The following CAMTA1 variants were observed in gnomAD, a reference collection of about 807,000 sequenced individuals.
The protein encoded by CAMTA1 is calmodulin-binding transcription activator 1.
In CAMTA1, 27 loss-of-function variants were observed where a neutral mutation model predicts 170.9. That is an observed-to-expected ratio of 0.16 (90% CI 0.12 to 0.22). CAMTA1 has a LOEUF of 0.22. CAMTA1 is among the 10% of genes least tolerant of loss of function. CAMTA1 has a pLI of 1.00. For synonymous variants in CAMTA1, 833 were observed against 891.5 expected, an observed-to-expected ratio of 0.93 and a Z score of 1.17; for missense variants, 1,619 against 2,217.2, an observed-to-expected ratio of 0.73 and a Z score of 5.42.
At chr1:6,913,533 G>C (rs1372456002) in intron 3 of CAMTA1, among the ~76,000 whole-genome samples, 1 of 152,154 alleles carries the variant, frequency 6.6e-6, no homozygotes, top group East Asian at 1.9e-4. Context: ...CCTGCCCCCA[G>C]CTTCCTCCTG....
At chr1:7,242,389 A>C (rs1459955828) in intron 4 of CAMTA1, among the ~76,000 whole-genome samples, 2 of 152,226 alleles carry the variant, frequency 1.3e-5, no homozygotes, top group African/African-American at 4.8e-5. Flanking sequence ...TTTTATTTTT[A>C]TCTAATAAGA....
rs1470229348 is a variant in CAMTA1 at position 7,664,723 on chromosome 1, G to A, written c.2176G>A (p.Val726Ile). ...EHYLQPETNG[V>I]IRSAGGVPIL... ...CTACCTGCAGCCGGAGACCAACGGG[G>A]TAATCCGAAGCGCCGGCGGCGTCCC... Residue 726 changes from valine (V) to isoleucine (I), a missense_variant, in exon 9 of 23, where the codon GTA (valine) becomes ATA (isoleucine). Val to Ile is a conservative substitution (Grantham distance 29). Transcript: ENST00000303635. 6.2e-7 allele frequency: 1 copy of A among 1,608,914 alleles called. No homozygotes were observed.
At chr1:6,830,629 C>T (rs1649557061) in intron 3 of CAMTA1, among the ~76,000 whole-genome samples, 2 of 152,192 alleles carry the variant, frequency 1.3e-5, no homozygotes, top group Admixed American at 6.5e-5. Context: ...AGGCGTGAGC[C>T]ACGGCGCCCA....
At chr1:6,913,169 C>T (rs975038950) in intron 3 of CAMTA1, among the ~76,000 whole-genome samples, 19 of 152,262 alleles carry the variant, frequency 1.2e-4, no homozygotes, top group African/African-American at 2.2e-4. Context: ...AGGAAGGGGT[C>T]GTATTTTAGA....
At chr1:6,807,263 T>C (rs995231151) in intron 1 of CAMTA1, among the ~76,000 whole-genome samples, 2 of 152,240 alleles carry the variant, frequency 1.3e-5, no homozygotes, top group African/African-American at 4.8e-5. Flanking sequence ...ATATCCTGTT[T>C]ATCACTTTTG....
At chr1:7,657,124 C>T (rs61772075) in intron 7 of CAMTA1, among the ~76,000 whole-genome samples, 29,610 of 152,246 alleles carry the variant, frequency 0.19, 3,044 homozygotes, top group Middle Eastern at 0.33. Flanking sequence ...TTCCCAGTGG[C>T]CAGTGTGACC....
chr1:7,083,263 A>T (rs546653526), intron 3 of CAMTA1, among the ~76,000 whole-genome samples: 82 of 152,330 alleles, frequency 5.4e-4, no homozygotes, highest in African/African-American at 1.9e-3. Context: ...AGTCCTCCAG[A>T]CACCCTTGGA....
chr1:7,131,340 C>A (rs76136449), intron 4 of CAMTA1, among the ~76,000 whole-genome samples: 1 of 152,132 alleles, frequency 6.6e-6, no homozygotes, highest in East Asian at 1.9e-4. Flanking sequence ...TTTCATGGTT[C>A]ATGCTTTTGG....
At chr1:7,183,773 G>T (rs998167393) in intron 4 of CAMTA1, among the ~76,000 whole-genome samples, 1 of 152,158 alleles carries the variant, frequency 6.6e-6, no homozygotes, top group African/African-American at 2.4e-5. Flanking sequence ...TGAGCATGAG[G>T]ACAGTTCTTG....
At chr1:7,080,300 G>A (rs997686371) in intron 3 of CAMTA1, among the ~76,000 whole-genome samples, 1 of 152,094 alleles carries the variant, frequency 6.6e-6, no homozygotes, top group Non-Finnish European at 1.5e-5. Flanking sequence ...GGTGGATTCA[G>A]GTCTTCTCAC....
intron 3 of CAMTA1, among the ~76,000 whole-genome samples, chr1:7,037,902 AT>A (rs1280050067): frequency 2.1e-5 from 3 of 143,080 alleles, no homozygotes; most frequent in Non-Finnish European, 3.0e-5. Flanking sequence ...GAATATATAT[AT>A]TGGTTTGATC....
At chr1:7,058,807 T>C (rs1707768040) in intron 3 of CAMTA1, among the ~76,000 whole-genome samples, 1 of 152,180 alleles carries the variant, frequency 6.6e-6, no homozygotes, top group African/African-American at 2.4e-5. Flanking sequence ...GAAAAATATT[T>C]CTGAGAAATC....
intron 4 of CAMTA1, among the ~76,000 whole-genome samples, chr1:7,180,145 T>C (rs987480783): frequency 6.6e-6 from 1 of 152,068 alleles, no homozygotes; most frequent in African/African-American, 2.4e-5. Context: ...GGCGGGTGGA[T>C]CACCTGAGGT....
At chr1:7,415,886 A>C (rs1390859186) in intron 5 of CAMTA1, among the ~76,000 whole-genome samples, 2 of 152,190 alleles carry the variant, frequency 1.3e-5, no homozygotes, top group Non-Finnish European at 2.9e-5. Context: ...ATGTTTTTGC[A>C]GTGGCTGGTA....
intron 5 of CAMTA1, among the ~76,000 whole-genome samples, chr1:7,331,704 G>T (rs1054369538): frequency 6.6e-6 from 1 of 152,164 alleles, no homozygotes; most frequent in African/African-American, 2.4e-5. Context: ...TCAGAACCAT[G>T]TGCTCAGCAA....
intron 11 of CAMTA1, among the ~76,000 whole-genome samples, chr1:7,730,928 C>CTCTCTCTCTA (rs1478235304): frequency 3.5e-5 from 4 of 114,196 alleles, no homozygotes; most frequent in African/African-American, 1.3e-4. Context: ...CTCTCTCTCT[C>CTCTCTCTCTA]TATATATATA....
At chr1:7,752,210 T>C (rs545636701) in intron 20 of CAMTA1, among the ~76,000 whole-genome samples, 13 of 152,330 alleles carry the variant, frequency 8.5e-5, no homozygotes, top group African/African-American at 3.1e-4. Flanking sequence ...TTTTCAGTCT[T>C]TGTATAGTCT....
At chr1:7,558,385 C>T (rs1478919247) in intron 6 of CAMTA1, among the ~76,000 whole-genome samples, 2 of 152,218 alleles carry the variant, frequency 1.3e-5, no homozygotes, top group Non-Finnish European at 2.9e-5. Context: ...TGGATGGGAC[C>T]CAGGAGCCAA....
intron 4 of CAMTA1, among the ~76,000 whole-genome samples, chr1:7,236,364 T>C (rs527690778): frequency 6.6e-6 from 1 of 152,338 alleles, no homozygotes; most frequent in East Asian, 1.9e-4. Flanking sequence ...AAGGAAGAAC[T>C]ACAATTTAAA....
Sources: gnomAD v4.1 joint callset for allele counts (sites outside exome capture counted in the v4.1 genomes callset) on GRCh38, gnomAD v4.1.1 for gene constraint, MANE v1.5 for transcripts, NCBI Gene and HGNC (gene_info 2026-07-23, HGNC 2026-07-21) for gene names.